The following SLC24A2 variants were observed in gnomAD, a reference collection of about 807,000 sequenced individuals.
The protein encoded by SLC24A2 is solute carrier family 24 member 2, also known as sodium/potassium/calcium exchanger 2.
A neutral mutation model predicts 62.0 loss-of-function variants in SLC24A2; 36 were observed. The observed-to-expected ratio is 0.58, with a 90% confidence interval of 0.44 to 0.77. The LOEUF (loss-of-function observed/expected upper bound fraction) is 0.77. SLC24A2 is among the 30% of genes least tolerant of loss of function. The pLI is 0.00. For missense variants in SLC24A2, 846 were observed against 817.9 expected (o/e 1.03, Z -0.42); for synonymous variants, 358 against 294.0 (o/e 1.22, Z -2.23).
At chr9:20,012,616 A>G in the SLC24A2 span, among the ~76,000 whole-genome samples, 1 of 152,248 alleles carries the variant, frequency 6.6e-6, no homozygotes, top group African/African-American at 2.4e-5. Flanking sequence ...GGATGATGAC[A>G]TGATCTTATA....
the SLC24A2 span, among the ~76,000 whole-genome samples, chr9:19,950,567 T>G: frequency 1.3e-5 from 2 of 152,244 alleles, no homozygotes; most frequent in Non-Finnish European, 2.9e-5. Flanking sequence ...ACTTTCAGGA[T>G]AACCTTTGCA....
chr9:19,576,052 G>A (rs143596066), intron 6 of SLC24A2, among the ~76,000 whole-genome samples: 144 of 152,114 alleles, frequency 9.5e-4, no homozygotes, highest in African/African-American at 2.9e-3. Flanking sequence ...TTTTCTTTTC[G>A]TATCTAATTG....
At chr9:19,623,591 A>C (rs1374120230) in intron 2 of SLC24A2, among the ~76,000 whole-genome samples, 1 of 152,244 alleles carries the variant, frequency 6.6e-6, no homozygotes, top group African/African-American at 2.4e-5. Context: ...AGTTAGGATT[A>C]GCATGCTCAA....
At chr9:19,530,908 C>T (rs1586900822) in intron 8 of SLC24A2, among the ~76,000 whole-genome samples, 1 of 152,290 alleles carries the variant, frequency 6.6e-6, no homozygotes, top group South Asian at 2.1e-4. Flanking sequence ...CCTGACTGTA[C>T]CACACGTGCT....
At chr9:19,858,797 G>A in the SLC24A2 span, among the ~76,000 whole-genome samples, 2 of 152,260 alleles carry the variant, frequency 1.3e-5, no homozygotes, top group Admixed American at 1.3e-4. Context: ...AAACCACAAT[G>A]AGAGACCATC....
chr9:20,019,159 G>GAAAGAA, the SLC24A2 span, among the ~76,000 whole-genome samples: 1 of 114,304 alleles, frequency 8.7e-6, no homozygotes, highest in African/African-American at 3.4e-5. Context: ...GAAAGAAAGA[G>GAAAGAA]AGAGAGACAG....
At chr9:20,161,968 A>C in the SLC24A2 span, among the ~76,000 whole-genome samples, 2 of 151,802 alleles carry the variant, frequency 1.3e-5, no homozygotes, top group Non-Finnish European at 3.0e-5. Context: ...GATGCATAAG[A>C]ATTGAAAGAC....
chr9:19,543,145 G>A (rs1231253300), intron 8 of SLC24A2, among the ~76,000 whole-genome samples: 1 of 151,978 alleles, frequency 6.6e-6, no homozygotes, highest in Non-Finnish European at 1.5e-5. Context: ...CTTCTTCCTG[G>A]TTTAGTCTTG....
intron 2 of SLC24A2, among the ~76,000 whole-genome samples, chr9:19,752,487 T>C (rs914152450): frequency 7.6e-6 from 1 of 130,814 alleles, no homozygotes; most frequent in Middle Eastern, 3.6e-3. Flanking sequence ...CAGATAAGGA[T>C]GCCATTTAAC....
intron 2 of SLC24A2, among the ~76,000 whole-genome samples, chr9:19,760,937 T>G (rs922996360): frequency 1.3e-5 from 2 of 151,252 alleles, no homozygotes; most frequent in African/African-American, 4.9e-5. Context: ...GGTGGAGGGT[T>G]AGCATTAGGA....
intron 2 of SLC24A2, among the ~76,000 whole-genome samples, chr9:19,699,157 G>C (rs1820283890): frequency 6.6e-6 from 1 of 152,016 alleles, no homozygotes; most frequent in African/African-American, 2.4e-5. Flanking sequence ...TGATTATCTT[G>C]GTACCTACTG....
At chr9:20,199,876 G>T in the SLC24A2 span, among the ~76,000 whole-genome samples, 1 of 148,198 alleles carries the variant, frequency 6.7e-6, no homozygotes, top group African/African-American at 2.5e-5. Flanking sequence ...CCACCATTAT[G>T]CCTGGCTAAT....
the SLC24A2 span, among the ~76,000 whole-genome samples, chr9:20,301,318 AT>A: frequency 3.9e-3 from 585 of 151,618 alleles, 4 homozygotes; most frequent in African/African-American, 0.011. Context: ...TGGGGAGTAC[AT>A]TTTTTTTTCT....
chr9:19,935,142 G>C, the SLC24A2 span, among the ~76,000 whole-genome samples: 1 of 151,640 alleles, frequency 6.6e-6, no homozygotes. Flanking sequence ...TATTGTGCCT[G>C]CGTTTGCATC....
At chr9:19,708,389 G>A (rs912887939) in intron 2 of SLC24A2, among the ~76,000 whole-genome samples, 1 of 152,056 alleles carries the variant, frequency 6.6e-6, no homozygotes, top group African/African-American at 2.4e-5. Context: ...TTTCTTCACA[G>A]AATTGGAAAA....
chr9:20,275,457 T>C, the SLC24A2 span, among the ~76,000 whole-genome samples: 4 of 152,216 alleles, frequency 2.6e-5, no homozygotes, highest in African/African-American at 9.6e-5. Context: ...TTTAGAAATA[T>C]CTACCTCTGC....
intron 9 of SLC24A2, among the ~76,000 whole-genome samples, chr9:19,524,795 G>C (rs1833360445): frequency 6.6e-6 from 1 of 151,844 alleles, no homozygotes; most frequent in East Asian, 1.9e-4. Flanking sequence ...CCTTTTCTTT[G>C]AAAGAATGGA....
intron 2 of SLC24A2, among the ~76,000 whole-genome samples, chr9:19,740,663 G>A (rs994822851): frequency 1.3e-5 from 2 of 152,118 alleles, no homozygotes; most frequent in African/African-American, 4.8e-5. Flanking sequence ...TCATTGAGCT[G>A]TAACTAAACA....
the SLC24A2 span, among the ~76,000 whole-genome samples, chr9:20,140,228 C>T: frequency 0.02 from 2,999 of 152,290 alleles, 129 homozygotes; most frequent in African/African-American, 0.069. Context: ...GAAGCTGACT[C>T]AGGTGTTCCC....
Sources: gnomAD v4.1 joint callset for allele counts (sites outside exome capture counted in the v4.1 genomes callset) on GRCh38, gnomAD v4.1.1 for gene constraint, MANE v1.5 for transcripts, NCBI Gene and HGNC (gene_info 2026-07-23, HGNC 2026-07-21) for gene names.